The following MEG3 variants were observed in gnomAD, a reference collection of about 807,000 sequenced individuals.
MEG3 encodes the protein Very putative protein from MEG3 locus.
At chr14:100,846,523 A>G (rs144563335) in intron 3 of MEG3, 1 of 152,426 alleles carries the variant, frequency 6.6e-6, no homozygotes, top group East Asian at 1.9e-4. Flanking sequence ...CAGGAATGCC[A>G]AAGATACTGT....
chr14:100,839,807 A>T (rs2037697342), intron 2 of MEG3, among the ~76,000 whole-genome samples: 1 of 152,186 alleles, frequency 6.6e-6, no homozygotes, highest in Non-Finnish European at 1.5e-5. Context: ...CGGATCCAGC[A>T]GACATGGAGA....
At chr14:100,846,451 T>C (rs1203962344) in intron 3 of MEG3, 1 of 152,224 alleles carries the variant, frequency 6.6e-6, no homozygotes, top group Non-Finnish European at 1.5e-5. Flanking sequence ...GCATCCGCCA[T>C]TTGTGTGTGT....
chr14:100,855,654 A>G (rs943528036), upstream of MEG3: 1 of 152,176 alleles, frequency 6.6e-6, no homozygotes, highest in Admixed American at 6.5e-5. Flanking sequence ...TCATCCCTTC[A>G]TTCATTCACT....
chr14:100,848,609 G>GA lies in MEG3; in HGVS notation n.3121+3082dup, dbSNP rs397788078. The stretch of plus-strand genomic sequence containing the variant: ...AATAGGATGGGAAAAAATGAAAATA[G>GA]AAAAAAGGAAGTGAAAGAGATAATA... On this transcript the variant is annotated intron_variant and non_coding_transcript_variant, in intron 3 of 3. Coordinates refer to the MEG3 transcript ENST00000398461. 3.1e-4 allele frequency: 12 copies of GA among 38,262 alleles called. No individual in the cohort carries two copies. In the Admixed American group the frequency reaches 5.8e-3, roughly 18 times the overall value. The allele number at this position is 38,262 out of a possible 1,614,324, so 2.4% of individuals were successfully genotyped here.
chr14:100,840,349 G>A (rs2037715234), intron 2 of MEG3, among the ~76,000 whole-genome samples: 1 of 152,178 alleles, frequency 6.6e-6, no homozygotes, highest in Non-Finnish European at 1.5e-5. Flanking sequence ...GGAGCTCCCA[G>A]GGCTGTTTCA....
At chr14:100,834,701 C>G (rs3194464) in exon 1 of MEG3, 61,196 of 456,554 alleles carry the variant, frequency 0.13, 4,552 homozygotes, top group Admixed American at 0.21. Context: ...CAGCACCAGC[C>G]TGGCACAGAG....
chr14:100,835,171 C>T (rs2037529207), exon 1 of MEG3: 1 of 257,302 alleles, frequency 3.9e-6, no homozygotes, highest in Non-Finnish European at 7.7e-6. Context: ...CCTTCTCCCT[C>T]TCTGCCTTCC....
In MEG3 at chr14:100,837,197, T is replaced by C. The variant is rs2037611052; in HGVS notation, n.3045+897T>C. ...CTCAGGGTGGCATGCTGGACGGCCATGCCAGGCTGAAGTTTGGGCTGGCAG... is the reference window on the plus strand; with the variant it reads ...CTCAGGGTGGCATGCTGGACGGCCACGCCAGGCTGAAGTTTGGGCTGGCAG... On this transcript the variant is annotated intron_variant and non_coding_transcript_variant, in intron 2 of 3. Coordinates refer to the MEG3 transcript ENST00000398461. The surrounding 1 kb of genome is among the most constrained non-coding windows in gnomAD (Gnocchi z 5.8). Among the ~76,000 whole-genome samples, 1 of 152,110 alleles carries C rather than the reference T, an allele frequency of 6.6e-6. No homozygotes were observed. Among genetic ancestry groups the C allele is most frequent in the Non-Finnish European group, 1.5e-5 (1 of 68,004 alleles).
At chr14:100,846,340 G>C (rs2037916961) in intron 3 of MEG3, 1 of 152,204 alleles carries the variant, frequency 6.6e-6, no homozygotes, top group South Asian at 2.1e-4. Flanking sequence ...AGGGGGCCTG[G>C]GGAACGTGGG....
At chr14:100,832,279 C>T (rs1246608299), downstream of MEG3, 1 of 152,204 alleles carries the variant, frequency 6.6e-6, no homozygotes, top group Non-Finnish European at 1.5e-5. Flanking sequence ...CACATCAAAT[C>T]ACCCTATTCT....
exon 2 of MEG3, chr14:100,836,238 G>T (rs1566724208): frequency 4.4e-6 from 2 of 456,634 alleles, no homozygotes; most frequent in Non-Finnish European, 8.8e-6. Context: ...GCCCTGATGG[G>T]GCCCACCATC....
chr14:100,833,170 G>GT (rs1166636148), downstream of MEG3: 1 of 122,734 alleles, frequency 8.1e-6, no homozygotes, highest in African/African-American at 2.7e-5. Context: ...CCAGCATACT[G>GT]TTGAAATTGG....
At chr14:100,842,128 T>A (rs1477197653) in intron 2 of MEG3, among the ~76,000 whole-genome samples, 1 of 152,112 alleles carries the variant, frequency 6.6e-6, no homozygotes, top group Non-Finnish European at 1.5e-5. Flanking sequence ...GTTATTACCG[T>A]GGTGGGCTGC....
intron 2 of MEG3, among the ~76,000 whole-genome samples, chr14:100,839,155 G>C (rs1253989402): frequency 6.6e-6 from 1 of 152,190 alleles, no homozygotes; most frequent in African/African-American, 2.4e-5. Context: ...AAAGAGGAAG[G>C]GAGCTTCCTA....
At chr14:100,835,910 C>T (rs957906109) in intron 1 of MEG3, 28 of 295,414 alleles carry the variant, frequency 9.5e-5, no homozygotes, top group African/African-American at 3.2e-4. Context: ...CCTTTGCCTC[C>T]GCCGTGGCCC....
At position 100,845,561 on chromosome 14, in the gene MEG3, CAT is replaced by C; in HGVS notation, n.3121+29_3121+30del. On this transcript the variant is annotated intron_variant and non_coding_transcript_variant, in intron 3 of 3. Transcript: ENST00000398461. The surrounding 1 kb of genome is among the most constrained non-coding windows in gnomAD (Gnocchi z 5.2). ...AAGTGGCTGGAGTGTAAAGAACACA[CAT>C]GTGGCCTTGCTGCTGAGGGTGGGGC... 2.2e-6 allele frequency: 1 copy of C among 454,366 alleles called. No individual in the cohort carries two copies. Among genetic ancestry groups the C allele is most frequent in the South Asian group, 1.6e-5 (1 of 64,264 alleles). The allele number at this position is 454,366 out of a possible 1,614,324, so 28.1% of individuals were successfully genotyped here.
exon 1 of MEG3, chr14:100,834,542 G>T (rs1177011686): frequency 1.0e-5 from 4 of 381,584 alleles, no homozygotes; most frequent in Non-Finnish European, 2.1e-5. Flanking sequence ...CCTTTAACCT[G>T]GCTCCTTGAG....
intron 2 of MEG3, among the ~76,000 whole-genome samples, chr14:100,843,833 G>GTTTTTTT (rs11307044): frequency 7.1e-4 from 50 of 70,748 alleles, no homozygotes; most frequent in Non-Finnish European, 1.0e-3. Context: ...CCCGGGACCT[G>GTTTTTTT]TTTTTTTTTT....
In MEG3 at chr14:100,837,663, C is replaced by T. The variant is rs142415030; in HGVS notation, n.3045+1363C>T. Among the ~76,000 whole-genome samples, 6 of 152,210 alleles carry T rather than the reference C, an allele frequency of 3.9e-5. No homozygotes were observed. Among genetic ancestry groups the T allele is most frequent in the African/African-American group, 1.2e-4 (5 of 41,536 alleles). On this transcript the variant is annotated intron_variant and non_coding_transcript_variant, in intron 2 of 3. Coordinates refer to the MEG3 transcript ENST00000398461. This position sits in a 1 kb window ranked among gnomAD's most constrained non-coding sequence, Gnocchi z 5.8. Reference sequence around the variant, plus strand: ...AGCCCTTGTGCAGGCCTCCGCCCTCCGCCACCCCCCACCCCCGGAGTGTCT... The same window carrying T: ...AGCCCTTGTGCAGGCCTCCGCCCTCTGCCACCCCCCACCCCCGGAGTGTCT...
Sources: gnomAD v4.1 joint callset for allele counts (sites outside exome capture counted in the v4.1 genomes callset) on GRCh38, gnomAD v4.1.1 for gene constraint, Gnocchi (gnomAD v3.1) non-coding constraint, MANE v1.5 for transcripts, NCBI Gene and HGNC (gene_info 2026-07-23, HGNC 2026-07-21) for gene names.